GAS5: variants seen among roughly 807,000 people sequenced by gnomAD.
GAS5 encodes growth arrest specific 5.
upstream of GAS5, chr1:173,868,020 G>A (rs796280866): frequency 9.7e-6 from 2 of 205,674 alleles, no homozygotes; most frequent in South Asian, 1.2e-4. Context: ...CTGTATATAA[G>A]AGTTCTTTTG....
chr1:173,867,467 G>T, upstream of GAS5: 1 of 356,044 alleles, frequency 2.8e-6, no homozygotes, highest in South Asian at 2.1e-5. Context: ...AACCGATGTC[G>T]AGCCACTGCA....
chr1:173,866,056 A>G (rs772156464), intron 4 of GAS5: 3 of 519,150 alleles, frequency 5.8e-6, no homozygotes, highest in South Asian at 4.2e-5. Context: ...CTTATTAATC[A>G]TAACAAGACA....
chr1:173,866,707 A>T (rs745410285), intron 2 of GAS5: 1 of 765,460 alleles, frequency 1.3e-6, no homozygotes, highest in Admixed American at 1.7e-5. Flanking sequence ...AACTGTCATC[A>T]TTGTGGCACA....
chr1:173,865,722 A>C (rs766702633), intron 5 of GAS5: 4 of 519,236 alleles, frequency 7.7e-6, no homozygotes, highest in South Asian at 4.2e-5. Flanking sequence ...GAAAACACAT[A>C]AACACTGTTC....
At chr1:173,864,494 A>AT (rs1654249097) in intron 6 of GAS5, 2 of 497,784 alleles carry the variant, frequency 4.0e-6, no homozygotes, top group Admixed American at 4.2e-5. Flanking sequence ...CTAGTTTAGG[A>AT]TAACAGGTCT....
intron 6 of GAS5, chr1:173,864,732 G>A: frequency 6.1e-6 from 3 of 495,850 alleles, no homozygotes; most frequent in South Asian, 4.3e-5. Flanking sequence ...TACACAGTAA[G>A]ACAACTTGCA....
At chr1:173,868,023 T>G (rs1027197299), upstream of GAS5, 9 of 188,870 alleles carry the variant, frequency 4.8e-5, no homozygotes, top group African/African-American at 7.1e-5. Flanking sequence ...TATATAAGAG[T>G]TCTTTTGATG....
upstream of GAS5, chr1:173,867,566 C>T: frequency 2.0e-6 from 1 of 495,920 alleles, no homozygotes. Flanking sequence ...GGAATGCAGG[C>T]ACTTAAGCAC....
At chr1:173,866,382 T>C (rs574926739) in intron 3 of GAS5, 17 of 540,432 alleles carry the variant, frequency 3.1e-5, no homozygotes, top group Non-Finnish European at 5.8e-5. Flanking sequence ...TTTTCACATT[T>C]TCTTCAGTAT....
chr1:173,866,955 TTTC>T, intron 1 of GAS5: 1 of 765,476 alleles, frequency 1.3e-6, no homozygotes, highest in Admixed American at 1.7e-5. Flanking sequence ...ACCTCTTAGA[TTTC>T]ATTCTTCCCA....
intron 3 of GAS5, chr1:173,866,213 TTTTAATACA>T: frequency 8.3e-6 from 4 of 483,060 alleles, no homozygotes; most frequent in South Asian, 6.0e-5. Context: ...ATGCCTGTAA[TTTTAATACA>T]AAATTGTCAG....
At chr1:173,863,954 A>G (rs1272876617) in intron 7 of GAS5, 1 of 286,114 alleles carries the variant, frequency 3.5e-6, no homozygotes, top group Non-Finnish European at 7.1e-6. Flanking sequence ...TTCTTGTGCC[A>G]TGAGACTCCA....
intron 3 of GAS5, chr1:173,866,252 A>G (rs763613766): frequency 2.0e-6 from 1 of 491,214 alleles, no homozygotes; most frequent in African/African-American, 2.0e-5. Flanking sequence ...TTTTAATGGT[A>G]GATTGGTGGT....
intron 2 of GAS5, chr1:173,866,707 A>G (rs745410285): frequency 3.9e-6 from 3 of 765,342 alleles, no homozygotes; most frequent in Non-Finnish European, 7.2e-6. Flanking sequence ...AACTGTCATC[A>G]TTGTGGCACA....
chr1:173,868,002 C>T (rs1238252717), upstream of GAS5: 10 of 319,108 alleles, frequency 3.1e-5, no homozygotes, highest in African/African-American at 1.7e-4. Context: ...AGTATGGTGC[C>T]TGGGCTCCTG....
chr1:173,865,966 T>G (rs748252116), intron 4 of GAS5: 2 of 519,114 alleles, frequency 3.9e-6, no homozygotes, highest in Admixed American at 3.9e-5. Context: ...ACAAATGCCT[T>G]TAGTCAGTTA....
At chr1:173,864,878 C>CT (rs1462729101) in intron 6 of GAS5, 1 of 519,172 alleles carries the variant, frequency 1.9e-6, no homozygotes, top group South Asian at 1.4e-5. Context: ...CAGCGTTAGT[C>CT]TGCTGAACTA....
At chr1:173,865,690 C>T (rs374299531) in intron 5 of GAS5, 90 of 519,108 alleles carry the variant, frequency 1.7e-4, no homozygotes, top group Non-Finnish European at 3.0e-4. Flanking sequence ...ATTACACAAA[C>T]CCCGTTCCAA....
exon 5 of GAS5, chr1:173,865,871 T>C: frequency 5.8e-6 from 3 of 517,608 alleles, no homozygotes; most frequent in South Asian, 4.2e-5. Context: ...ACCATTAAGC[T>C]GGTCCAGGCA....
Sources: allele counts gnomAD v4.1 joint callset, GRCh38; gene constraint gnomAD v4.1.1; transcripts MANE v1.5; gene names NCBI Gene and HGNC (gene_info 2026-07-23, HGNC 2026-07-21).